The following MYRF variants were observed in gnomAD, a reference collection of about 807,000 sequenced individuals.
The protein encoded by MYRF is myelin regulatory factor.
In MYRF, 16 loss-of-function variants were observed where a neutral mutation model predicts 126.3. The ratio of observed to expected loss-of-function variants is 0.13; its 90% confidence interval spans 0.09 to 0.19. The LOEUF is 0.19. MYRF is among the 10% of genes least tolerant of loss of function. The pLI, the probability that MYRF is intolerant of heterozygous loss-of-function variation, is 1.00. For synonymous variants in MYRF, 608 were observed against 635.3 expected (o/e 0.96, Z 0.65); for missense variants, 1,104 against 1,547.0 (o/e 0.71, Z 4.80).
chr11:61,772,098 G>A (rs2066240551), intron 7 of MYRF, 146 bp downstream of exon 7: 3 of 1,218,756 alleles, frequency 2.5e-6, no homozygotes, highest in Admixed American at 5.4e-5. Context: ...GCCAGGACTG[G>A]CAGTCAGGGC....
At chr11:61,754,743 A>G (rs2065698771) in intron 1 of MYRF, among the ~76,000 whole-genome samples, 1 of 152,140 alleles carries the variant, frequency 6.6e-6, no homozygotes, top group Non-Finnish European at 1.5e-5. Context: ...AGACTCAAGA[A>G]TGTCTGTGGG....
In MYRF at chr11:61,783,747, C is replaced by G; in HGVS notation, c.3120-104C>G. On this transcript the variant is annotated intron_variant, in intron 23 of 26. Coordinates refer to ENST00000278836, the MANE Select transcript of MYRF (RefSeq NM_001127392.3). This position sits in a 1 kb window ranked among gnomAD's most constrained non-coding sequence, Gnocchi z 4.6. ...TTTCCAGGCTACCCTTGGACACTGT[C>G]TCTTCTGGAGGGCTCCAGTACAGAT... is the stretch of plus-strand genomic sequence containing the variant. 6 of 1,380,958 alleles carry G rather than the reference C, an allele frequency of 4.3e-6. No individual in the cohort carries two copies. The highest frequency in any genetic ancestry group is 5.0e-6 in the Non-Finnish European group (5 of 995,624). 85.5% of individuals were successfully genotyped at this position (1,380,958 alleles called of 1,614,324 possible). A position where few individuals can be genotyped will look rare whatever the true frequency, so the allele number is the denominator to read the frequency against.
chr11:61,773,334 A>T (rs1018481036), intron 7 of MYRF, among the ~76,000 whole-genome samples: 1 of 152,160 alleles, frequency 6.6e-6, no homozygotes, highest in Non-Finnish European at 1.5e-5. Flanking sequence ...AAGGGGCCAA[A>T]CATGGGACAC....
rs2135748075 is a variant in MYRF at position 61,766,136 on chromosome 11, A to G, written c.313A>G (p.Asn105Asp). ...YGTPLNCNNN[N>D]GMGAAPKPFP... ...CACCCCGCTGAACTGCAACAACAACAACGGCATGGGCGCTGCCCCCAAGCC... is the reference window on the plus strand; with the variant it reads ...CACCCCGCTGAACTGCAACAACAACGACGGCATGGGCGCTGCCCCCAAGCC... Residue 105 changes from asparagine to aspartate, a missense_variant, in exon 3 of 27, where the codon AAC becomes GAC. Coordinates refer to ENST00000278836, the MANE Select transcript of MYRF (RefSeq NM_001127392.3). 1 of 1,610,302 alleles carries G rather than the reference A, an allele frequency of 6.2e-7. No homozygotes were observed. The highest frequency in any genetic ancestry group is 8.5e-7 in the Non-Finnish European group (1 of 1,179,196).
Position 61,771,522 on chromosome 11 carries a change from A to G in MYRF, c.763A>G (p.Lys255Glu). The G allele has an allele frequency of 6.2e-7, 1 of 1,613,636 alleles. No homozygotes were observed. The highest frequency in any genetic ancestry group is 8.5e-7 in the Non-Finnish European group (1 of 1,179,762). Residue 255 changes from lysine (K) to glutamate (E), a missense_variant, in exon 6 of 27, where the codon AAG becomes GAG. Around this residue, in one of 10 missense-constraint regions of MYRF, gnomAD observed 368 missense variants for 403.9 expected, o/e 0.91. Coordinates refer to ENST00000278836, the MANE Select transcript of MYRF (RefSeq NM_001127392.3). ...GAELPTHPSK[K>E]RKHSESPPST... is the part of the protein sequence containing the mutation. ...CAGGCTCCCTACACACCCCTCCAAG[A>G]AGAGGAAGCACTCTGAATCCCCCCC...
In MYRF at chr11:61,786,205, G is replaced by A; in HGVS notation, c.*62G>A. ...GGGTGCCCAGGCACCCCCCAACACT[G>A]GATGCAATGGTGTTACACTGGAGCC... On this transcript the variant is annotated 3_prime_UTR_variant, in exon 27 of 27. Coordinates refer to ENST00000278836, the MANE Select transcript of MYRF (RefSeq NM_001127392.3). The surrounding 1 kb of genome is among the most constrained non-coding windows in gnomAD (Gnocchi z 4.5). 6.7e-7 allele frequency: 1 copy of A among 1,487,308 alleles called. No individual in the cohort carries two copies. Among genetic ancestry groups the A allele is most frequent in the South Asian group, 1.1e-5 (1 of 88,124 alleles). 92.1% of individuals were successfully genotyped at this position (1,487,308 alleles called of 1,614,324 possible).
chr11:61,784,483 TTA>T lies in MYRF; in HGVS notation c.3300+101_3300+102del, dbSNP rs2066640937. 9.1e-6 allele frequency: 9 copies of T among 988,032 alleles called. 1 individual carries two copies. In the South Asian group the frequency reaches 1.3e-4, roughly 14 times the overall value. The allele number at this position is 988,032 out of a possible 1,614,324, so 61.2% of individuals were successfully genotyped here. On this transcript the variant is annotated intron_variant, in intron 25 of 26. Coordinates refer to ENST00000278836, the MANE Select transcript of MYRF (RefSeq NM_001127392.3). ...ATGGGCAAGGAGCAGAAGCTGGGAG[TTA>T]TAGAGTAAAGCCTTCTCCACAAGGG... is the stretch of plus-strand genomic sequence containing the variant.
chr11:61,770,231 C>T lies in MYRF; in HGVS notation c.461-15C>T. The T allele has an allele frequency of 1.3e-6, 2 of 1,585,324 alleles. No individual in the cohort carries two copies. Among genetic ancestry groups the T allele is most frequent in the Non-Finnish European group, 1.7e-6 (2 of 1,166,418 alleles). On this transcript the variant is annotated splice_polypyrimidine_tract_variant and intron_variant, in intron 4 of 26. Transcript: ENST00000278836. ...AGGTTGGTCTCAGATGCCCGCTCCCCCATCTCTCCTGCAGAGCCCCACCTC... is the reference window on the plus strand; with the variant it reads ...AGGTTGGTCTCAGATGCCCGCTCCCTCATCTCTCCTGCAGAGCCCCACCTC...
rs372005053 is a variant in MYRF at position 61,761,233 on chromosome 11, G to A, written c.47-4392G>A. On this transcript the variant is annotated intron_variant, in intron 1 of 26. Coordinates refer to ENST00000278836, the MANE Select transcript of MYRF (RefSeq NM_001127392.3). The stretch of plus-strand genomic sequence containing the variant: ...TCCCCCGTTCCCCGGGACAATGGCC[G>A]AGACTCAGCCAACGGCCACAGCTGG... Among the ~76,000 whole-genome samples the A allele has an allele frequency of 6.1e-5, 9 of 146,482 alleles. No individual in the cohort carries two copies. In the South Asian group the frequency reaches 1.8e-3, roughly 30 times the overall value.
rs1177423017 is a variant in MYRF, at chr11:61,780,800, C to A, written c.2486+8C>A. On this transcript the variant is annotated splice_region_variant and intron_variant, in intron 19 of 26. Coordinates refer to ENST00000278836, the MANE Select transcript of MYRF (RefSeq NM_001127392.3). ...TGAGGCCTTGTGCCCATGGTACGTG[C>A]TGACCAGCGCCCCTCTCCTCTGGCT... The A allele has an allele frequency of 6.5e-7, 1 of 1,545,402 alleles. No homozygotes were observed. Among genetic ancestry groups the A allele is most frequent in the Non-Finnish European group, 8.7e-7 (1 of 1,148,538 alleles).
At chr11:61,770,919 C>A (rs538671833) in intron 5 of MYRF, among the ~76,000 whole-genome samples, 1 of 152,148 alleles carries the variant, frequency 6.6e-6, no homozygotes, top group Admixed American at 6.5e-5. Flanking sequence ...CTTCCTAGAC[C>A]CAAGCCCCCG....
At chr11:61,760,059 C>T (rs1388759472) in intron 1 of MYRF, among the ~76,000 whole-genome samples, 3 of 151,862 alleles carry the variant, frequency 2.0e-5, no homozygotes, top group African/African-American at 2.4e-5. Flanking sequence ...ACCTCCGCCT[C>T]CCGGTTTCAA....
intron 1 of MYRF, among the ~76,000 whole-genome samples, chr11:61,758,308 T>C (rs2065813832): frequency 1.3e-5 from 2 of 152,202 alleles, no homozygotes; most frequent in African/African-American, 4.8e-5. Context: ...TTGAGGATCC[T>C]ATCTCCCTCC....
chr11:61,756,074 A>G (rs2065743683), intron 1 of MYRF, among the ~76,000 whole-genome samples: 1 of 152,200 alleles, frequency 6.6e-6, no homozygotes. Context: ...TTTAACCATC[A>G]AACAAACTCA....
Position 61,779,540 on chromosome 11 carries a change from CAAG to C in MYRF, c.2222_2224del (p.Lys741del), listed in dbSNP as rs2066483569. On this transcript the variant is annotated inframe_deletion, in exon 16 of 27. Coordinates refer to ENST00000278836, the MANE Select transcript of MYRF (RefSeq NM_001127392.3). ...TCAGTCGGGCGGGCAGCGTCCCCCA[CAAG>C]AAGAGGCCCCCCAAGGTGGCCAGCA... 1 of 1,507,442 alleles carries C rather than the reference CAAG, an allele frequency of 6.6e-7. No homozygotes were observed. Among genetic ancestry groups the C allele is most frequent in the Admixed American group, 2.3e-5 (1 of 44,444 alleles). 93.4% of individuals were successfully genotyped at this position (1,507,442 alleles called of 1,614,324 possible).
intron 25 of MYRF, chr11:61,784,684 A>G: frequency 3.2e-6 from 1 of 312,752 alleles, no homozygotes; most frequent in Non-Finnish European, 6.0e-6. Context: ...GGTGTCTGGG[A>G]GCCCATGGCG....
In MYRF at chr11:61,776,117, C is replaced by T. The variant is rs866628240; in HGVS notation, c.1373C>T (p.Pro458Leu). The T allele has an allele frequency of 1.9e-6, 3 of 1,614,068 alleles. No individual in the cohort carries two copies. Among genetic ancestry groups the T allele is most frequent in the South Asian group, 1.1e-5 (1 of 91,088 alleles). ...TCCCAGTCAGACCGGAGCAAGCGGC[C>T]CTTCAACCCGGTCACGTGAGTGTCT... is the stretch of plus-strand genomic sequence containing the variant. Reference protein sequence around the residue: ...EQSQSDRSKRPFNPVTVNLPP... With the variant: ...EQSQSDRSKRLFNPVTVNLPP... Residue 458 changes from proline to leucine, a missense_variant, in exon 9 of 27, where the codon CCC (proline) becomes CTC (leucine). Physicochemically the swap from Pro to Leu is moderately conservative, Grantham distance 98 (BLOSUM62 -3). Coordinates refer to ENST00000278836, the MANE Select transcript of MYRF (RefSeq NM_001127392.3). The surrounding 1 kb of genome is among the most constrained non-coding windows in gnomAD (Gnocchi z 4.3).
rs2066622930 is a variant in MYRF, at chr11:61,783,965, C to T, written c.3194+40C>T. 6.4e-7 allele frequency: 1 copy of T among 1,568,500 alleles called. No individual in the cohort carries two copies. Among genetic ancestry groups the T allele is most frequent in the African/African-American group, 1.4e-5 (1 of 74,040 alleles). ...GGGGAAGTGGGAGGCAGGAGGGGAG[C>T]CAGGGAGAATCTCCCGCAGAGCCTC... On this transcript the variant is annotated intron_variant, in intron 24 of 26. Coordinates refer to ENST00000278836, the MANE Select transcript of MYRF (RefSeq NM_001127392.3). This position sits in a 1 kb window ranked among gnomAD's most constrained non-coding sequence, Gnocchi z 4.6.
At chr11:61,766,984 G>A (rs939344634) in intron 3 of MYRF, 5 of 455,514 alleles carry the variant, frequency 1.1e-5, no homozygotes, top group South Asian at 3.1e-5. Flanking sequence ...TTTATCAGCC[G>A]TCTGCCTCGG....
Sources: allele counts gnomAD v4.1 joint callset (sites outside exome capture counted in the v4.1 genomes callset), GRCh38; gene constraint gnomAD v4.1.1; regional missense constraint gnomAD v4.1.1; non-coding constraint Gnocchi (gnomAD v3.1); transcripts MANE v1.5; gene names NCBI Gene and HGNC (gene_info 2026-07-23, HGNC 2026-07-21).